CAPN2: variants seen among roughly 807,000 people sequenced by gnomAD.
The protein encoded by CAPN2 is calpain-2 catalytic subunit.
In CAPN2, 92 loss-of-function variants were observed where a neutral mutation model predicts 102.3. That is an observed-to-expected ratio of 0.90 (90% CI 0.76 to 1.07). The LOEUF (loss-of-function observed/expected upper bound fraction) is 1.07, where lower values mean the gene tolerates loss of function less well. Among genes scored for constraint, CAPN2 ranks in the 50% least tolerant of loss-of-function variants. The probability of loss-of-function intolerance (pLI) is 0.00; values close to 1 mark genes in which losing one functional copy is unlikely to be tolerated. For synonymous variants in CAPN2, 340 were observed against 355.4 expected, an observed-to-expected ratio of 0.96 and a Z score of 0.49; for missense variants, 800 against 909.4, an observed-to-expected ratio of 0.88 and a Z score of 1.55.
rs368698900 is a variant in CAPN2 at position 223,727,310 on chromosome 1, CT to C, written c.307+9480del. 3.3e-4 allele frequency among the ~76,000 whole-genome samples: 50 copies of C among 152,340 alleles called. No homozygotes were observed. In the East Asian group the frequency reaches 9.4e-3, roughly 29 times the overall value. On this transcript the variant is annotated intron_variant, in intron 2 of 20. Coordinates refer to ENST00000295006, the MANE Select transcript of CAPN2 (RefSeq NM_001748.5). This position sits in a 1 kb window ranked among gnomAD's most constrained non-coding sequence, Gnocchi z 4.1. ...GGTTTCTCAACCTTGGCACAACTGA[CT>C]GGATAATTGTTCATTGTAGGGGGCT...
intron 1 of CAPN2, among the ~76,000 whole-genome samples, chr1:223,704,331 T>A (rs1240957446): frequency 2.0e-5 from 3 of 152,112 alleles, no homozygotes; most frequent in Non-Finnish European, 1.5e-5. Flanking sequence ...ACCCCTAAAG[T>A]TCCATCCAAC....
At position 223,747,049 on chromosome 1, in the gene CAPN2, G is replaced by C. The variant is rs761570360; in HGVS notation, c.613G>C (p.Glu205Gln). 1 of 1,613,934 alleles carries C rather than the reference G, an allele frequency of 6.2e-7. No homozygotes were observed. The highest frequency in any genetic ancestry group is 1.3e-5 in the African/African-American group (1 of 74,900). ...LSGGATTEGF[E>Q]DFTGGIAEWY... ...AGGGGGTGCCACCACTGAGGGCTTC[G>C]AAGACTTCACCGGAGGCATTGCTGA... Residue 205 changes from glutamate (E) to glutamine (Q), a missense_variant, in exon 5 of 21, where the codon GAA becomes CAA. By Grantham distance (29) the Glu-to-Gln change is conservative (BLOSUM62 2). Coordinates refer to ENST00000295006, the MANE Select transcript of CAPN2 (RefSeq NM_001748.5).
Position 223,712,815 on chromosome 1 carries a change from G to T in CAPN2, c.175G>T (p.Gly59Cys). The T allele has an allele frequency of 6.3e-7, 1 of 1,574,858 alleles. No homozygotes were observed. Among genetic ancestry groups the T allele is most frequent in the Non-Finnish European group, 8.6e-7 (1 of 1,163,350 alleles). Reference protein sequence around the residue: ...PSFPAIPSALGFKELGPYSSK... With the variant: ...PSFPAIPSALCFKELGPYSSK... ...CTTCCCGGCCATCCCCTCGGCCCTGGGCTTCAAGGAGTTGGGGCCCTACTC... is the reference window on the plus strand; with the variant it reads ...CTTCCCGGCCATCCCCTCGGCCCTGTGCTTCAAGGAGTTGGGGCCCTACTC... Residue 59 changes from glycine (G) to cysteine (C), a missense_variant, in exon 1 of 21, where the codon GGC becomes TGC. Gly to Cys is a radical substitution (Grantham distance 159). Coordinates refer to ENST00000295006, the MANE Select transcript of CAPN2 (RefSeq NM_001748.5).
chr1:223,719,805 CGTGT>C (rs10556130), intron 2 of CAPN2, among the ~76,000 whole-genome samples: 2,751 of 143,424 alleles, frequency 0.019, 35 homozygotes, highest in Non-Finnish European at 0.026. Context: ...GGGGTGTGTG[CGTGT>C]GTGTGTGTGT....
intron 16 of CAPN2, among the ~76,000 whole-genome samples, chr1:223,768,017 G>A (rs1188287847): frequency 6.7e-6 from 1 of 150,224 alleles, no homozygotes; most frequent in Non-Finnish European, 1.5e-5. Context: ...CATGTCCTTT[G>A]CCCACTTTTT....
At chr1:223,769,696 A>T in intron 16 of CAPN2, 145 bp from the exon 17 acceptor site, 1 of 676,154 alleles carries the variant, frequency 1.5e-6, no homozygotes, top group Non-Finnish European at 2.7e-6. Context: ...AGGTTTAGCC[A>T]GTGGGAAAAG....
chr1:223,765,694 A>C (rs1661294945), intron 15 of CAPN2, among the ~76,000 whole-genome samples: 1 of 125,016 alleles, frequency 8.0e-6, no homozygotes, highest in Non-Finnish European at 1.7e-5. Context: ...CTGCTGGGCC[A>C]GAGCCTTATG....
At chr1:223,720,998 A>T (rs1660037290) in intron 2 of CAPN2, among the ~76,000 whole-genome samples, 1 of 152,162 alleles carries the variant, frequency 6.6e-6, no homozygotes, top group Admixed American at 6.5e-5. Context: ...TGGGCAGGTG[A>T]CATTCTTAGA....
At position 223,772,204 on chromosome 1, in the gene CAPN2, G is replaced by A. The variant is rs200476814; in HGVS notation, c.2044G>A (p.Glu682Lys). ...AGAGATATTTAAGCAGCTGGATCCCGAGAATACTGGAACAATAGAGCTCGA... is the reference window on the plus strand; with the variant it reads ...AGAGATATTTAAGCAGCTGGATCCCAAGAATACTGGAACAATAGAGCTCGA... The part of the protein sequence containing the change: ...LFKIFKQLDP[E>K]NTGTIELDLI... The change falls in exon 20 of 21, where the codon GAG becomes AAG. Residue 682 changes from glutamate (E) to lysine (K), a missense_variant. Transcript: ENST00000295006. 6.2e-5 allele frequency: 100 copies of A among 1,614,088 alleles called. No homozygotes were observed. The Middle Eastern group carries it at 8.2e-4, about 13-fold the overall frequency.
chr1:223,745,199 G>T (rs1415200390), intron 3 of CAPN2, 107 bp from the exon 4 acceptor site: 2 of 1,468,658 alleles, frequency 1.4e-6, no homozygotes, highest in Non-Finnish European at 1.9e-6. Flanking sequence ...ATGCGCTCAT[G>T]GAACCTATCC....
chr1:223,762,386 A>C, intron 14 of CAPN2, 135 bp downstream of exon 14: 1 of 706,158 alleles, frequency 1.4e-6, no homozygotes, highest in Non-Finnish European at 2.5e-6. Context: ...TGCAAATGGC[A>C]CTTGGGTTCC....
intron 1 of CAPN2, among the ~76,000 whole-genome samples, chr1:223,702,133 G>GGAAA (rs1659497499): frequency 6.8e-6 from 1 of 147,814 alleles, no homozygotes; most frequent in Non-Finnish European, 1.5e-5. Context: ...AAGGAAGGAA[G>GGAAA]GAAAGAAGGA....
At chr1:223,714,899 G>A (rs1191917540) in intron 1 of CAPN2, among the ~76,000 whole-genome samples, 1 of 152,242 alleles carries the variant, frequency 6.6e-6, no homozygotes, top group African/African-American at 2.4e-5. Flanking sequence ...TAGAGGTCTA[G>A]AGATGATCTA....
At chr1:223,709,417 T>TTGGGAGGCA (rs1659681474), upstream of CAPN2, among the ~76,000 whole-genome samples, 1 of 152,146 alleles carries the variant, frequency 6.6e-6, no homozygotes. Context: ...TCCCAGCACT[T>TTGGGAGGCA]TGGGAGGCAG....
chr1:223,751,310 C>T (rs942059041), intron 7 of CAPN2, among the ~76,000 whole-genome samples: 1 of 152,222 alleles, frequency 6.6e-6, no homozygotes, highest in Non-Finnish European at 1.5e-5. Flanking sequence ...CCCCCAGGCA[C>T]TTCTATTACA....
At chr1:223,718,695 A>G (rs6674733) in intron 2 of CAPN2, among the ~76,000 whole-genome samples, 32,707 of 152,186 alleles carry the variant, frequency 0.21, 4,222 homozygotes, top group African/African-American at 0.35. Context: ...GGCTCCCCAG[A>G]CAAGTTCATC....
intron 1 of CAPN2, among the ~76,000 whole-genome samples, chr1:223,705,388 G>T (rs760995635): frequency 2.6e-5 from 4 of 152,196 alleles, no homozygotes; most frequent in African/African-American, 4.8e-5. Context: ...CTACATCCTC[G>T]GAAGACTGAG....
rs1371144231 is a variant in CAPN2, at chr1:223,712,707, A to AG, written c.70dup (p.Ala24GlyfsTer61). 1 of 1,581,088 alleles carries AG rather than the reference A, an allele frequency of 6.3e-7. No individual in the cohort carries two copies. The highest frequency in any genetic ancestry group is 2.4e-5 in the East Asian group (1 of 41,786). ...GGCCGAGGGGCTGGGCTCCCACGAC[A>AG]GGGCCATCAAGTACCTCAACCAGGA... On this transcript the variant is annotated frameshift_variant, in exon 1 of 21. Coordinates refer to ENST00000295006, the MANE Select transcript of CAPN2 (RefSeq NM_001748.5). LOFTEE classifies it high-confidence loss of function.
intron 6 of CAPN2, 91 bp downstream of exon 6, chr1:223,749,213 C>G: frequency 1.7e-6 from 2 of 1,157,512 alleles, no homozygotes; most frequent in Non-Finnish European, 2.5e-6. Context: ...GCCCGCGCGG[C>G]CCCACGGTGG....
Sources: allele counts gnomAD v4.1 joint callset (sites outside exome capture counted in the v4.1 genomes callset), GRCh38; gene constraint gnomAD v4.1.1; non-coding constraint Gnocchi (gnomAD v3.1); transcripts MANE v1.5; gene names NCBI Gene and HGNC (gene_info 2026-07-23, HGNC 2026-07-21).